The following PRMT7 variants were observed in gnomAD, a reference collection of about 807,000 sequenced individuals.
PRMT7 encodes protein arginine methyltransferase 7, also known as protein arginine N-methyltransferase 7.
In PRMT7, 75 loss-of-function variants were observed where a neutral mutation model predicts 85.4. That is an observed-to-expected ratio of 0.88 (90% confidence interval 0.73 to 1.06). The LOEUF (loss-of-function observed/expected upper bound fraction) is 1.06, where lower values mean the gene tolerates loss of function less well. Among genes scored for constraint, PRMT7 ranks in the 50% least tolerant of loss-of-function variants. The pLI, the probability that PRMT7 is intolerant of heterozygous loss-of-function variation, is 0.00. For synonymous variants in PRMT7, 397 were observed against 359.5 expected (o/e 1.10, Z -1.18); for missense variants, 868 against 915.2 (o/e 0.95, Z 0.67).
At chr16:68,327,641 A>C (rs1022109987) in intron 5 of PRMT7, among the ~76,000 whole-genome samples, 3 of 152,182 alleles carry the variant, frequency 2.0e-5, no homozygotes, top group Non-Finnish European at 2.9e-5. Context: ...CCTGTGGTCA[A>C]CTGAGGTCCA....
intron 5 of PRMT7, among the ~76,000 whole-genome samples, chr16:68,325,490 C>CA (rs1239732655): frequency 1.3e-5 from 2 of 150,838 alleles, no homozygotes; most frequent in African/African-American, 2.4e-5. Flanking sequence ...GACTTTATCT[C>CA]AAAAAAATCA....
rs774892163 is a variant in PRMT7 at position 68,346,172 on chromosome 16, G to T, written c.1083G>T (p.Gln361His). 6 of 1,614,090 alleles carry T rather than the reference G, an allele frequency of 3.7e-6. No homozygotes were observed. Among genetic ancestry groups the T allele is most frequent in the Non-Finnish European group, 3.4e-6 (4 of 1,180,046 alleles). Residue 361 changes from glutamine to histidine, a missense_variant, in exon 11 of 19, where the codon CAG (glutamine) becomes CAT (histidine). Gln to His is a conservative substitution (Grantham distance 24, BLOSUM62 0). Transcript: ENST00000441236. ...TSPEKNERVR[Q>H]MRPVCDCQAH... ...CTGAAAAGAATGAGAGAGTCCGCCA[G>T]ATGCGCCCCGTGTGTGACTGCCAGG...
chr16:68,342,234 C>T (rs2085654200), intron 9 of PRMT7, among the ~76,000 whole-genome samples: 1 of 152,130 alleles, frequency 6.6e-6, no homozygotes, highest in Non-Finnish European at 1.5e-5. Flanking sequence ...GCTGAGGTCA[C>T]ACCACTGCAC....
chr16:68,339,037 C>T (rs1466751315), intron 7 of PRMT7, among the ~76,000 whole-genome samples: 2 of 152,204 alleles, frequency 1.3e-5, no homozygotes, highest in African/African-American at 4.8e-5. Context: ...CCAGGATCAC[C>T]ACCCAGCAGC....
intron 3 of PRMT7, 106 bp downstream of exon 3, chr16:68,316,180 T>C: frequency 4.2e-6 from 4 of 963,444 alleles, no homozygotes; most frequent in Non-Finnish European, 6.6e-6. Context: ...ACCCAGTGCT[T>C]ATGATGAGGG....
chr16:68,346,616 T>C (rs2086432549), intron 11 of PRMT7, among the ~76,000 whole-genome samples: 1 of 152,162 alleles, frequency 6.6e-6, no homozygotes, highest in Non-Finnish European at 1.5e-5. Flanking sequence ...TAAAATTTTC[T>C]AAGATGTAAA....
chr16:68,329,008 T>A, intron 5 of PRMT7, 58 bp from the exon 6 acceptor site: 1 of 1,229,492 alleles, frequency 8.1e-7, no homozygotes, highest in Non-Finnish European at 1.2e-6. Context: ...ACCTTAAAGG[T>A]CAGACTACTG....
chr16:68,324,678 C>T lies in PRMT7; in HGVS notation c.133-5C>T, dbSNP rs775829269. ...GGTAGTAAGTGACGGCCATGTCTTC[C>T]TTAGAATGTAAAATACTACCAAGGT... On this transcript the variant is annotated splice_region_variant and splice_polypyrimidine_tract_variant and intron_variant, in intron 4 of 18. Transcript: ENST00000441236. 6 of 1,614,152 alleles carry T rather than the reference C, an allele frequency of 3.7e-6. No homozygotes were observed. In the South Asian group the frequency reaches 6.6e-5, roughly 18 times the overall value.
chr16:68,321,440 A>T lies in PRMT7; in HGVS notation c.110A>T (p.Asp37Val), dbSNP rs765332204. 3 of 1,610,804 alleles carry T rather than the reference A, an allele frequency of 1.9e-6. No individual in the cohort carries two copies. The highest frequency in any genetic ancestry group is 2.2e-5 in the South Asian group (2 of 90,734). The change falls in exon 4 of 19, where the codon GAT (aspartate) becomes GTT (valine). Residue 37 changes from aspartate to valine, a missense_variant. Asp to Val is a radical substitution (Grantham distance 152). Transcript: ENST00000441236. ...TTGTTTTTTAGGTCATCTTATGCAG[A>T]TATGCTACATGACAAAGACAGAGTA... The part of the protein sequence containing the change: ...HQEIARSSYA[D>V]MLHDKDRNVK...
rs113721763 is a variant in PRMT7, at chr16:68,329,187, C to T, written c.391+13C>T. 1,009 of 1,537,842 alleles carry T rather than the reference C, an allele frequency of 6.6e-4. 8 individuals are homozygous for T. In the African/African-American group the frequency reaches 0.01, roughly 16 times the overall value. ...ACTGTAGGTCCAGGTGAGATTTACA[C>T]ACCCTGTGTTGAAAGCTTTGCTTGC... On this transcript the variant is annotated intron_variant, in intron 6 of 18. Coordinates refer to ENST00000441236, the MANE Select transcript of PRMT7 (RefSeq NM_019023.5).
rs371544644 is a variant in PRMT7 at position 68,324,848 on chromosome 16, C to T, written c.282+16C>T. 3 of 1,613,094 alleles carry T rather than the reference C, an allele frequency of 1.9e-6. No homozygotes were observed. The highest frequency in any genetic ancestry group is 2.5e-6 in the Non-Finnish European group (3 of 1,179,918). On this transcript the variant is annotated intron_variant, in intron 5 of 18. Transcript: ENST00000441236. ...TGCCATCGAGGTAAGCCATTCCCTT[C>T]AGGTGTGTGTCCTGCATCTTGCATG... is the stretch of plus-strand genomic sequence containing the variant.
chr16:68,315,905 C>A lies in PRMT7; in HGVS notation c.-75C>A. The stretch of plus-strand genomic sequence containing the variant: ...CCTTCTGATGTTAATAGATTTCTGA[C>A]AGTCAGACTTGTCCACAAGAACTCA... On this transcript the variant is annotated 5_prime_UTR_variant, in exon 3 of 19. Coordinates refer to ENST00000441236, the MANE Select transcript of PRMT7 (RefSeq NM_019023.5). The A allele has an allele frequency of 2.5e-6, 3 of 1,198,036 alleles. No individual in the cohort carries two copies. The highest frequency in any genetic ancestry group is 3.7e-6 in the Non-Finnish European group (3 of 809,704). The allele number at this position is 1,198,036 out of a possible 1,614,324, so 74.2% of individuals were successfully genotyped here.
At position 68,315,955 on chromosome 16, in the gene PRMT7, T is replaced by G; in HGVS notation, c.-25T>G. The G allele has an allele frequency of 6.2e-7, 1 of 1,609,090 alleles. No homozygotes were observed. Among genetic ancestry groups the G allele is most frequent in the South Asian group, 1.1e-5 (1 of 90,512 alleles). On this transcript the variant is annotated 5_prime_UTR_variant, in exon 3 of 19. Transcript: ENST00000441236. ...AACTGGCAAGGCTGCTTTTCTGTGC[T>G]AAAACTGGGGAGCTAGTGGGCACCA...
intron 13 of PRMT7, 118 bp downstream of exon 13, chr16:68,347,796 T>C: frequency 1.1e-6 from 1 of 923,498 alleles, no homozygotes; most frequent in Non-Finnish European, 1.7e-6. Flanking sequence ...TGCACCCCTG[T>C]GTTGTCTTGG....
At chr16:68,340,695 A>G (rs1468612372) in intron 9 of PRMT7, among the ~76,000 whole-genome samples, 1 of 152,250 alleles carries the variant, frequency 6.6e-6, no homozygotes, top group Admixed American at 6.5e-5. Context: ...AGCTCAGGGA[A>G]AAAGCAGGAA....
intron 1 of PRMT7, chr16:68,311,364 C>T: frequency 3.5e-6 from 1 of 287,348 alleles, no homozygotes. Flanking sequence ...GCCACAGAGA[C>T]CGCAGTAGCT....
At position 68,357,645 on chromosome 16, in the gene PRMT7, G is replaced by A. The variant is rs1283147106; in HGVS notation, c.*421G>A. On this transcript the variant is annotated 3_prime_UTR_variant, in exon 19 of 19. Transcript: ENST00000441236. The stretch of plus-strand genomic sequence containing the variant: ...TCTGTCTCACTCTCGAGGATCTCCG[G>A]GTCCCTGCTCTTCTGGCTTCTGCTA... The A allele has an allele frequency of 3.8e-5, 2 of 52,752 alleles. No individual in the cohort carries two copies. Among genetic ancestry groups the A allele is most frequent in the African/African-American group, 2.9e-4 (2 of 6,966 alleles). The allele number at this position is 52,752 out of a possible 1,614,324, so 3.3% of individuals were successfully genotyped here.
intron 14 of PRMT7, 192 bp from the exon 15 acceptor site, chr16:68,352,055 TG>T: frequency 5.1e-6 from 3 of 584,564 alleles, no homozygotes; most frequent in Non-Finnish European, 9.0e-6. Context: ...CTGCCTTGCT[TG>T]TTTGTTGACT....
At position 68,338,273 on chromosome 16, in the gene PRMT7, G is replaced by A. The variant is rs180908432; in HGVS notation, c.504+702G>A. The stretch of plus-strand genomic sequence containing the variant: ...ACAGAGGCCTGATAGGTGGTCCCAG[G>A]AGTTGGTGGTCCCTTAGGTGTAGAG... On this transcript the variant is annotated intron_variant, in intron 7 of 18. Coordinates refer to ENST00000441236, the MANE Select transcript of PRMT7 (RefSeq NM_019023.5). Among the ~76,000 whole-genome samples the A allele has an allele frequency of 3.9e-5, 6 of 152,230 alleles. No individual in the cohort carries two copies. In the East Asian group the frequency reaches 1.2e-3, roughly 29 times the overall value.
Sources: gnomAD v4.1 joint callset for allele counts (sites outside exome capture counted in the v4.1 genomes callset) on GRCh38, gnomAD v4.1.1 for gene constraint, MANE v1.5 for transcripts, NCBI Gene and HGNC (gene_info 2026-07-23, HGNC 2026-07-21) for gene names.